The following PAK3 variants were observed in gnomAD, a reference collection of about 807,000 sequenced individuals.
PAK3 encodes p21 (RAC1) activated kinase 3.
In PAK3, 4 loss-of-function variants were observed where a neutral mutation model predicts 41.0. That is an observed-to-expected ratio of 0.10 (90% CI 0.05 to 0.22). The LOEUF (loss-of-function observed/expected upper bound fraction) is 0.22, where lower values mean the gene tolerates loss of function less well. PAK3 is among the 10% of genes least tolerant of loss of function. The probability of loss-of-function intolerance (pLI) is 1.00; values close to 1 mark genes in which losing one functional copy is unlikely to be tolerated. For synonymous variants in PAK3, 146 were observed against 139.6 expected (o/e 1.05, Z -0.32); for missense variants, 205 against 409.9 (o/e 0.50, Z 4.32).
Position 111,114,593 on chromosome X carries a change from T to C in PAK3, c.-27-8484T>C, listed in dbSNP as rs182706311. 1.4e-4 allele frequency among the ~76,000 whole-genome samples: 16 copies of C among 111,600 alleles called. No individual in the cohort carries two copies. In the East Asian group the frequency reaches 4.3e-3, roughly 30 times the overall value. On this transcript the variant is annotated intron_variant, in intron 4 of 17. Coordinates refer to ENST00000372007, the MANE Select transcript of PAK3 (RefSeq NM_002578.5). ...TCTCTTTATGCAGCTGTGTGACCTATAGACCTTCATTATTAAGCTGTGCAG... is the reference window on the plus strand; with the variant it reads ...TCTCTTTATGCAGCTGTGTGACCTACAGACCTTCATTATTAAGCTGTGCAG...
chrX:111,032,519 A>G (rs1389441074), intron 1 of PAK3, among the ~76,000 whole-genome samples: 2 of 111,816 alleles, frequency 1.8e-5, no homozygotes, highest in Non-Finnish European at 3.8e-5. Context: ...ATTGCATTTA[A>G]CCATTCTTCT....
Position 111,022,586 on chromosome X carries a change from A to G in PAK3, c.-28+77958A>G, listed in dbSNP as rs147406526. 4.1e-3 allele frequency among the ~76,000 whole-genome samples: 462 copies of G among 111,753 alleles called. 1 individual carries two copies. The highest frequency in any genetic ancestry group is 0.014 in the African/African-American group (444 of 30,737). On this transcript the variant is annotated intron_variant, in intron 1 of 14. Transcript: ENST00000425146. ...ACAAAATAGAACCTCCTTAAAGCAT[A>G]AATCTCACAGGACCTATGTAACAAT...
At chrX:111,182,360 A>G (rs1260796250) in intron 11 of PAK3, among the ~76,000 whole-genome samples, 2 of 110,343 alleles carry the variant, frequency 1.8e-5, no homozygotes, top group African/African-American at 6.6e-5. Context: ...AAATTAGATG[A>G]CCGTGAATAC....
Position 110,972,244 on chromosome X carries a change from G to C in PAK3, c.-28+27616G>C, listed in dbSNP as rs145569160. 3.0e-4 allele frequency among the ~76,000 whole-genome samples: 33 copies of C among 111,528 alleles called. No individual in the cohort carries two copies. In the East Asian group the frequency reaches 7.1e-3, roughly 24 times the overall value. On this transcript the variant is annotated intron_variant, in intron 1 of 14. Transcript: ENST00000425146. ...TAGAAATCAGTGCTTCACTGCGTTT[G>C]AGCTCTGAGAATGGACTGACTGCCT... is the stretch of plus-strand genomic sequence containing the variant.
At chrX:110,982,312 T>A (rs1191934663) in intron 1 of PAK3, among the ~76,000 whole-genome samples, 1 of 112,143 alleles carries the variant, frequency 8.9e-6, no homozygotes, top group African/African-American at 3.2e-5. Context: ...GATCTAGGTT[T>A]AAATCCTGGC....
At chrX:111,168,243 A>T (rs1033504841) in intron 10 of PAK3, among the ~76,000 whole-genome samples, 1 of 112,057 alleles carries the variant, frequency 8.9e-6, no homozygotes, top group Non-Finnish European at 1.9e-5. Context: ...AGTATTTAGC[A>T]TTCTTAAAAC....
At position 111,224,478 on chromosome X, in the gene PAK3, G is replaced by T. The variant is rs919675295; in HGVS notation, c.*4031G>T. 1.8e-5 allele frequency: 2 copies of T among 112,091 alleles called. No individual in the cohort carries two copies. The highest frequency in any genetic ancestry group is 6.5e-5 in the African/African-American group (2 of 30,807). The allele number at this position is 112,091 out of a possible 1,213,427, so 9.2% of individuals were successfully genotyped here. On this transcript the variant is annotated 3_prime_UTR_variant, in exon 18 of 18. Transcript: ENST00000372007. Reference sequence around the variant, plus strand: ...ATATTACTGTATATCATTCAGGTAGGATTCTTCTTTTAATAACCAATAGGG... The same window carrying T: ...ATATTACTGTATATCATTCAGGTAGTATTCTTCTTTTAATAACCAATAGGG...
At chrX:111,157,909 A>G (rs2094127621) in intron 8 of PAK3, among the ~76,000 whole-genome samples, 1 of 112,199 alleles carries the variant, frequency 8.9e-6, no homozygotes, top group African/African-American at 3.2e-5. Context: ...TTATCCATCT[A>G]TCTATATTTC....
chrX:111,080,695 A>G (rs773154326), intron 1 of PAK3, among the ~76,000 whole-genome samples: 4 of 111,832 alleles, frequency 3.6e-5, no homozygotes, highest in Non-Finnish European at 7.5e-5. Context: ...AAAAGTTAGA[A>G]ATAGAACCAC....
rs141834178 is a variant in PAK3 at position 111,034,850 on chromosome X, C to G, written c.-27-88227C>G. Among the ~76,000 whole-genome samples the G allele has an allele frequency of 7.2e-5, 8 of 110,646 alleles. No homozygotes were observed. The Middle Eastern group carries it at 0.014, about 190-fold the overall frequency. ...GCGCAGTGGCTCATGCCTGTAATCC[C>G]AGCACTTTGGAAGGCTAAATTGGGT... On this transcript the variant is annotated intron_variant, in intron 1 of 14. Coordinates refer to the PAK3 transcript ENST00000425146.
intron 1 of PAK3, among the ~76,000 whole-genome samples, chrX:111,035,447 C>G (rs1464200193): frequency 9.0e-6 from 1 of 111,494 alleles, no homozygotes; most frequent in Non-Finnish European, 1.9e-5. Flanking sequence ...TCCAAACCAC[C>G]TGTTGTTCTT....
chrX:111,086,803 T>C (rs747734272), intron 1 of PAK3, among the ~76,000 whole-genome samples: 10 of 111,607 alleles, frequency 9.0e-5, no homozygotes, highest in Non-Finnish European at 1.7e-4. Flanking sequence ...AATTTGAAAA[T>C]ATGTTTAAAG....
At chrX:111,066,772 C>A (rs763338644) in intron 1 of PAK3, among the ~76,000 whole-genome samples, 1 of 112,053 alleles carries the variant, frequency 8.9e-6, no homozygotes, top group African/African-American at 3.2e-5. Flanking sequence ...ATTTAATAAG[C>A]ATATAGTCCG....
chrX:110,974,320 T>C (rs1364150184), intron 1 of PAK3, among the ~76,000 whole-genome samples: 1 of 111,738 alleles, frequency 8.9e-6, no homozygotes, highest in Non-Finnish European at 1.9e-5. Flanking sequence ...TACAAGAGAA[T>C]ACTATAAACA....
intron 1 of PAK3, among the ~76,000 whole-genome samples, chrX:110,975,959 A>T (rs375923247): frequency 3.6e-5 from 4 of 111,867 alleles, no homozygotes; most frequent in African/African-American, 1.3e-4. Flanking sequence ...AAAAATTAAT[A>T]CAAGATGGAT....
chrX:111,027,204 G>T (rs2092283227), intron 1 of PAK3, among the ~76,000 whole-genome samples: 1 of 71,268 alleles, frequency 1.4e-5, no homozygotes, highest in South Asian at 1.1e-3. Flanking sequence ...AAACCATGAA[G>T]ATTCTAGAAG....
At chrX:111,188,191 G>T (rs2094529987) in intron 11 of PAK3, among the ~76,000 whole-genome samples, 1 of 108,735 alleles carries the variant, frequency 9.2e-6, no homozygotes, top group Non-Finnish European at 1.9e-5. Flanking sequence ...AATGCTGAGG[G>T]TGCTGGAGGA....
rs761989927 is a variant in PAK3, at chrX:111,074,825, G to A, written c.-27-48252G>A. On this transcript the variant is annotated intron_variant, in intron 1 of 14. Transcript: ENST00000425146. Reference sequence around the variant, plus strand: ...TGGGTAGTGAAGTCCAGGCTGATGAGGTCTCAGATGTAAATGAGGAATTTA... The same window carrying A: ...TGGGTAGTGAAGTCCAGGCTGATGAAGTCTCAGATGTAAATGAGGAATTTA... Among the ~76,000 whole-genome samples the A allele has an allele frequency of 2.7e-5, 3 of 111,975 alleles. No homozygotes were observed. The East Asian group carries it at 8.4e-4, about 31-fold the overall frequency.
intron 5 of PAK3, among the ~76,000 whole-genome samples, chrX:111,129,191 C>T (rs1156897521): frequency 9.0e-6 from 1 of 111,598 alleles, no homozygotes; most frequent in Non-Finnish European, 1.9e-5. Flanking sequence ...ATAAAATATA[C>T]TTAGTGTGAT....
Sources: allele counts gnomAD v4.1 joint callset (sites outside exome capture counted in the v4.1 genomes callset), GRCh38; gene constraint gnomAD v4.1.1; transcripts MANE v1.5; gene names NCBI Gene and HGNC (gene_info 2026-07-23, HGNC 2026-07-21).